INSR: variants seen among roughly 807,000 people sequenced by gnomAD.
The protein encoded by INSR is IR.
In INSR, 67 loss-of-function variants were observed where a neutral mutation model predicts 142.6. The observed-to-expected ratio is 0.47, with a 90% CI of 0.39 to 0.58. The LOEUF (loss-of-function observed/expected upper bound fraction) is 0.58. Among genes scored for constraint, INSR ranks in the 20% least tolerant of loss-of-function variants. INSR has a pLI of 0.00. For missense variants in INSR, 1,248 were observed against 1,833.2 expected (o/e 0.68, Z 5.83); for synonymous variants, 756 against 743.1 (o/e 1.02, Z -0.28).
intron 2 of INSR, among the ~76,000 whole-genome samples, chr19:7,256,526 A>T (rs1976897622): frequency 6.6e-6 from 1 of 152,016 alleles, no homozygotes; most frequent in Non-Finnish European, 1.5e-5. Flanking sequence ...ACAGTTTGGG[A>T]GGTTGAAGCA....
rs1418837266 is a variant in INSR, at chr19:7,279,754, T to G, written c.101-11858A>C. ...CTTTGTGAGGCTGAGGTGGGTGGAC[T>G]GCTTGAGCCCAGGAGTTTGAGATTG... is the stretch of plus-strand genomic sequence containing the variant. On this transcript the variant is annotated intron_variant, in intron 1 of 21. Coordinates refer to ENST00000302850, the MANE Select transcript of INSR (RefSeq NM_000208.4). Among the ~76,000 whole-genome samples, 3 of 150,566 alleles carry G rather than the reference T, an allele frequency of 2.0e-5. No individual in the cohort carries two copies. In the Admixed American group the frequency reaches 2.0e-4, roughly 10 times the overall value.
intron 2 of INSR, among the ~76,000 whole-genome samples, chr19:7,197,369 G>C (rs1300605218): frequency 6.6e-6 from 1 of 152,242 alleles, no homozygotes; most frequent in African/African-American, 2.4e-5. Flanking sequence ...GGGAGGGAGT[G>C]AGTCCGTCCA....
intron 2 of INSR, among the ~76,000 whole-genome samples, chr19:7,214,490 C>T (rs1418907959): frequency 2.0e-5 from 3 of 152,204 alleles, no homozygotes; most frequent in Admixed American, 6.5e-5. Context: ...GGCCTGAGGT[C>T]CTCATTCTTC....
intron 2 of INSR, among the ~76,000 whole-genome samples, chr19:7,221,232 G>T (rs1171288094): frequency 6.6e-6 from 1 of 151,986 alleles, no homozygotes; most frequent in Non-Finnish European, 1.5e-5. Flanking sequence ...AAATTAACCG[G>T]CTGTGGTGTT....
Position 7,160,393 on chromosome 19 carries a change from C to T in INSR, c.2029+2639G>A, listed in dbSNP as rs879457488. 8.4e-4 allele frequency among the ~76,000 whole-genome samples: 128 copies of T among 151,916 alleles called. 1 individual carries two copies. Among genetic ancestry groups the T allele is most frequent in the African/African-American group, 2.1e-3 (86 of 41,520 alleles). The stretch of plus-strand genomic sequence containing the variant: ...AACTCCTGACCCCTGGTGATCCACC[C>T]GCCTCGGCCTCCCAAAGTGCTGGGA... On this transcript the variant is annotated intron_variant, in intron 9 of 21. Coordinates refer to ENST00000302850, the MANE Select transcript of INSR (RefSeq NM_000208.4).
chr19:7,189,195 G>A (rs1159842769), intron 2 of INSR, among the ~76,000 whole-genome samples: 2 of 152,114 alleles, frequency 1.3e-5, no homozygotes, highest in Non-Finnish European at 2.9e-5. Context: ...CAAGAGGAAG[G>A]GGCTTGTTTC....
At chr19:7,215,098 G>A (rs1239338558) in intron 2 of INSR, among the ~76,000 whole-genome samples, 1 of 151,984 alleles carries the variant, frequency 6.6e-6, no homozygotes, top group African/African-American at 2.4e-5. Context: ...TGGGGCTACA[G>A]GCACACGCCA....
At position 7,289,835 on chromosome 19, in the gene INSR, G is replaced by C. The variant is rs548495865; in HGVS notation, c.100+3957C>G. ...GGAGACATTAGTGGTTGTCATGCCT[G>C]GGGGGAAGGGGATCCTCCCAGGACC... On this transcript the variant is annotated intron_variant, in intron 1 of 21. Coordinates refer to ENST00000302850, the MANE Select transcript of INSR (RefSeq NM_000208.4). 6.6e-5 allele frequency among the ~76,000 whole-genome samples: 10 copies of C among 152,272 alleles called. No homozygotes were observed. The East Asian group carries it at 9.7e-4, about 15-fold the overall frequency.
At chr19:7,142,706 G>A in intron 12 of INSR, 110 bp downstream of exon 12, 1 of 1,344,670 alleles carries the variant, frequency 7.4e-7, no homozygotes, top group Non-Finnish European at 1.0e-6. Context: ...CAAAAATGAA[G>A]GCCAATAAGG....
intron 8 of INSR, among the ~76,000 whole-genome samples, chr19:7,164,171 T>A (rs1272557692): frequency 6.6e-6 from 1 of 151,694 alleles, no homozygotes; most frequent in Non-Finnish European, 1.5e-5. Context: ...TATTGGCTTT[T>A]AGGACTGGAT....
chr19:7,192,664 T>C lies in INSR; in HGVS notation c.653-8027A>G, dbSNP rs548743909. ...TCACTCCCTCACACCTGCACACAAG[T>C]GCTGCTGTGTATGTAGGGAACATCT... is the stretch of plus-strand genomic sequence containing the variant. On this transcript the variant is annotated intron_variant, in intron 2 of 21. Coordinates refer to ENST00000302850, the MANE Select transcript of INSR (RefSeq NM_000208.4). The surrounding 1 kb of genome is among the most constrained non-coding windows in gnomAD (Gnocchi z 4.2). Among the ~76,000 whole-genome samples the C allele has an allele frequency of 6.6e-6, 1 of 152,280 alleles. No individual in the cohort carries two copies. Among genetic ancestry groups the C allele is most frequent in the African/African-American group, 2.4e-5 (1 of 41,558 alleles).
intron 2 of INSR, among the ~76,000 whole-genome samples, chr19:7,189,662 T>C (rs1037333933): frequency 2.0e-5 from 3 of 147,752 alleles, no homozygotes; most frequent in African/African-American, 7.9e-5. Context: ...ATTTTACTAT[T>C]ACTTTTTTTT....
intron 8 of INSR, among the ~76,000 whole-genome samples, chr19:7,163,690 G>T (rs946906014): frequency 6.6e-6 from 1 of 151,922 alleles, no homozygotes; most frequent in Admixed American, 6.6e-5. Flanking sequence ...CTGGGAGCTA[G>T]AAGTTTCTGA....
At chr19:7,260,927 G>A (rs897975569) in intron 2 of INSR, among the ~76,000 whole-genome samples, 8 of 149,582 alleles carry the variant, frequency 5.3e-5, no homozygotes, top group African/African-American at 1.7e-4. Flanking sequence ...TCACTCTGTC[G>A]CCCAGGCTGG....
At chr19:7,214,463 C>T (rs1017074432) in intron 2 of INSR, among the ~76,000 whole-genome samples, 13 of 152,184 alleles carry the variant, frequency 8.5e-5, no homozygotes, top group Non-Finnish European at 1.2e-4. Flanking sequence ...GGTCACCAAG[C>T]GAGGTCTCTC....
chr19:7,146,492 C>T (rs2144871251), intron 11 of INSR, among the ~76,000 whole-genome samples: 1 of 152,176 alleles, frequency 6.6e-6, no homozygotes, highest in South Asian at 2.1e-4. Context: ...CGCCCCCCAC[C>T]TCAGCCTCCC....
chr19:7,271,370 G>A (rs1600116843), intron 1 of INSR, among the ~76,000 whole-genome samples: 1 of 152,052 alleles, frequency 6.6e-6, no homozygotes, highest in East Asian at 1.9e-4. Flanking sequence ...CGTGGTGGCA[G>A]GCGCATGTAG....
chr19:7,223,326 G>A (rs1160443280), intron 2 of INSR, among the ~76,000 whole-genome samples: 3 of 152,190 alleles, frequency 2.0e-5, no homozygotes, highest in Admixed American at 6.5e-5. Flanking sequence ...AGAGAAAGAA[G>A]CCCAGCATAA....
chr19:7,184,477 C>G lies in INSR; in HGVS notation c.813G>C (p.Pro271=), dbSNP rs78970992. The change falls in exon 3 of 22, where the codon CCG becomes CCC. Residue 271 remains proline (P), a synonymous_variant. Coordinates refer to ENST00000302850, the MANE Select transcript of INSR (RefSeq NM_000208.4). ...DGRCVETCPP[P]YYHFQDWRCV... ...AGCGCCAGTCCTGGAAGTGGTAGTACGGGGGCGGGCAGGTCTCCACACACC... is the reference window on the plus strand; with the variant it reads ...AGCGCCAGTCCTGGAAGTGGTAGTAGGGGGGCGGGCAGGTCTCCACACACC... The G allele has an allele frequency of 3.7e-6, 6 of 1,613,954 alleles. No individual in the cohort carries two copies. The Admixed American group carries it at 1.0e-4, about 27-fold the overall frequency.
Sources: allele counts gnomAD v4.1 joint callset (sites outside exome capture counted in the v4.1 genomes callset), GRCh38; gene constraint gnomAD v4.1.1; non-coding constraint Gnocchi (gnomAD v3.1); transcripts MANE v1.5; gene names NCBI Gene and HGNC (gene_info 2026-07-23, HGNC 2026-07-21).